The following BICC1 variants were observed in gnomAD, a reference collection of about 807,000 sequenced individuals.
BICC1 encodes BicC family RNA binding protein 1.
In BICC1, 43 loss-of-function variants were observed where a neutral mutation model predicts 111.0. The observed-to-expected ratio is 0.39, with a 90% CI of 0.30 to 0.50. The LOEUF is 0.50. BICC1 is among the 20% of genes least tolerant of loss of function. The probability of loss-of-function intolerance (pLI) is 0.88; values close to 1 mark genes in which losing one functional copy is unlikely to be tolerated. For synonymous variants in BICC1, 467 were observed against 434.4 expected (o/e 1.07, Z -0.93); for missense variants, 1,091 against 1,203.2 (o/e 0.91, Z 1.38).
intron 3 of BICC1, among the ~76,000 whole-genome samples, chr10:58,752,748 A>G (rs1842025360): frequency 2.0e-5 from 3 of 152,322 alleles, no homozygotes; most frequent in African/African-American, 4.8e-5. Flanking sequence ...TACTTTGGGT[A>G]TACAGCATTT....
At chr10:58,576,768 T>G (rs1409395458) in intron 1 of BICC1, among the ~76,000 whole-genome samples, 1 of 152,216 alleles carries the variant, frequency 6.6e-6, no homozygotes, top group Non-Finnish European at 1.5e-5. Context: ...GACATTGTTC[T>G]GAATCTTATT....
At chr10:58,784,701 A>G (rs1184545671) in intron 3 of BICC1, among the ~76,000 whole-genome samples, 3 of 151,992 alleles carry the variant, frequency 2.0e-5, no homozygotes, top group Non-Finnish European at 1.5e-5. Flanking sequence ...AAAAAAAATT[A>G]TATGATATTT....
At chr10:58,726,265 A>G (rs1841101551) in intron 3 of BICC1, among the ~76,000 whole-genome samples, 1 of 152,224 alleles carries the variant, frequency 6.6e-6, no homozygotes, top group Non-Finnish European at 1.5e-5. Flanking sequence ...TAATAATAAT[A>G]ATAGTGAAAA....
At chr10:58,776,622 G>T (rs372263810) in intron 3 of BICC1, among the ~76,000 whole-genome samples, 3 of 152,024 alleles carry the variant, frequency 2.0e-5, no homozygotes, top group African/African-American at 2.4e-5. Context: ...CTGGATCCTC[G>T]CATTATTGTT....
At chr10:58,816,824 C>T (rs1197064519) in intron 18 of BICC1, among the ~76,000 whole-genome samples, 1 of 151,346 alleles carries the variant, frequency 6.6e-6, no homozygotes, top group Admixed American at 6.6e-5. Context: ...AATAGTCCGT[C>T]ACCAGCGCTT....
intron 1 of BICC1, among the ~76,000 whole-genome samples, chr10:58,547,494 C>G (rs148342424): frequency 5.3e-5 from 8 of 152,172 alleles, no homozygotes; most frequent in African/African-American, 1.9e-4. Flanking sequence ...TCTTGATCAC[C>G]TGGCTGAGGT....
At chr10:58,679,966 AG>A (rs1403176628) in intron 2 of BICC1, among the ~76,000 whole-genome samples, 1 of 152,354 alleles carries the variant, frequency 6.6e-6, no homozygotes, top group African/African-American at 2.4e-5. Flanking sequence ...GATGTAGAAA[AG>A]GCCTTCGATA....
intron 1 of BICC1, among the ~76,000 whole-genome samples, chr10:58,614,925 G>T (rs188628250): frequency 2.0e-5 from 3 of 152,268 alleles, no homozygotes; most frequent in Non-Finnish European, 2.9e-5. Context: ...TCTTCTCACA[G>T]AAGAGTTTCC....
rs186799188 is a variant in BICC1 at position 58,581,974 on chromosome 10, C to T, written c.191-38881C>T. On this transcript the variant is annotated intron_variant, in intron 1 of 20. Transcript: ENST00000373886. ...GTCCTCTCTCCCACCACCCCAAGGT[C>T]ATCTGTGCATATACATGCATATGTA... 1.3e-4 allele frequency among the ~76,000 whole-genome samples: 20 copies of T among 152,226 alleles called. No homozygotes were observed. In the East Asian group the frequency reaches 1.4e-3, roughly 10 times the overall value.
intron 2 of BICC1, among the ~76,000 whole-genome samples, chr10:58,633,500 A>G (rs761882508): frequency 6.6e-6 from 1 of 152,210 alleles, no homozygotes; most frequent in Non-Finnish European, 1.5e-5. Flanking sequence ...TCCTAGCAAG[A>G]TTAACTTTTA....
At chr10:58,622,840 A>G (rs184498941) in intron 2 of BICC1, among the ~76,000 whole-genome samples, 65 of 152,344 alleles carry the variant, frequency 4.3e-4, no homozygotes, top group African/African-American at 1.5e-3. Flanking sequence ...CTAGTTTTAC[A>G]TGACATTTTG....
chr10:58,594,978 TC>T (rs1198183646), intron 1 of BICC1, among the ~76,000 whole-genome samples: 1 of 152,050 alleles, frequency 6.6e-6, no homozygotes, highest in Non-Finnish European at 1.5e-5. Flanking sequence ...GAGACCCACC[TC>T]AGGTACAAAG....
chr10:58,658,672 G>A (rs551558814), intron 2 of BICC1, among the ~76,000 whole-genome samples: 1 of 152,228 alleles, frequency 6.6e-6, no homozygotes, highest in Admixed American at 6.5e-5. Flanking sequence ...ATAAATACTG[G>A]ATAATGGATA....
chr10:58,569,227 T>C (rs755765792), intron 1 of BICC1, among the ~76,000 whole-genome samples: 23 of 152,132 alleles, frequency 1.5e-4, no homozygotes, highest in Non-Finnish European at 3.1e-4. Flanking sequence ...TAATATTCAT[T>C]TGGAGATGGT....
At chr10:58,527,081 C>T (rs1842563515) in intron 1 of BICC1, among the ~76,000 whole-genome samples, 1 of 152,228 alleles carries the variant, frequency 6.6e-6, no homozygotes, top group African/African-American at 2.4e-5. Context: ...ACATCCTCCC[C>T]AGCACCTGTT....
chr10:58,590,444 C>G (rs1589124072), intron 1 of BICC1, among the ~76,000 whole-genome samples: 1 of 152,082 alleles, frequency 6.6e-6, no homozygotes, highest in East Asian at 1.9e-4. Context: ...AAATCTCTCC[C>G]CATTTTAGAG....
chr10:58,659,567 G>C (rs1385328427), intron 2 of BICC1, among the ~76,000 whole-genome samples: 1 of 152,146 alleles, frequency 6.6e-6, no homozygotes, highest in Admixed American at 6.6e-5. Flanking sequence ...TGAGGGTGGA[G>C]GGAGGGAGGA....
chr10:58,581,442 C>A (rs1844277171), intron 1 of BICC1, among the ~76,000 whole-genome samples: 2 of 152,078 alleles, frequency 1.3e-5, no homozygotes. Context: ...TGACTTTTCA[C>A]ATGCCTCTGT....
At chr10:58,649,917 C>G (rs986202141) in intron 2 of BICC1, among the ~76,000 whole-genome samples, 1 of 152,100 alleles carries the variant, frequency 6.6e-6, no homozygotes, top group Non-Finnish European at 1.5e-5. Flanking sequence ...TTGTACTGCC[C>G]TACCACCCAA....
Sources: gnomAD v4.1 joint callset for allele counts (sites outside exome capture counted in the v4.1 genomes callset) on GRCh38, gnomAD v4.1.1 for gene constraint, MANE v1.5 for transcripts, NCBI Gene and HGNC (gene_info 2026-07-23, HGNC 2026-07-21) for gene names.